Variants in TENM1 observed in about 807,000 individuals in gnomAD.
The protein encoded by TENM1 is teneurin transmembrane protein 1.
A neutral mutation model predicts 174.8 loss-of-function variants in TENM1; 35 were observed. That is an observed-to-expected ratio of 0.20 (90% CI 0.15 to 0.27). The LOEUF (loss-of-function observed/expected upper bound fraction) is 0.27. Ranked by LOEUF, TENM1 falls within the 10% of genes least tolerant of loss-of-function variation. The pLI, the probability that TENM1 is intolerant of heterozygous loss-of-function variation, is 1.00. For missense variants in TENM1, 1,633 were observed against 2,130.1 expected (o/e 0.77, Z 4.59); for synonymous variants, 781 against 798.7 (o/e 0.98, Z 0.37).
exon 30 of TENM1, chrX:124,384,019 A>G: frequency 8.3e-7 from 1 of 1,211,628 alleles, no homozygotes; most frequent in Non-Finnish European, 1.1e-6. Context: ...GACCTTGGAG[A>G]TCATAATACA....
At chrX:124,380,653 A>G in exon 32 of TENM1, 1 of 1,211,776 alleles carries the variant, frequency 8.3e-7, no homozygotes, top group Middle Eastern at 2.3e-4. Flanking sequence ...GTACCCGCCC[A>G]GTGCTCAAAA....
At chrX:124,895,352 C>A (rs2057545268) in intron 2 of TENM1, among the ~76,000 whole-genome samples, 2 of 111,938 alleles carry the variant, frequency 1.8e-5, no homozygotes, top group Admixed American at 9.5e-5. Context: ...AATAAATTAA[C>A]CCCTTTCCAA....
chrX:124,735,426 C>T (rs776206936), intron 4 of TENM1, among the ~76,000 whole-genome samples: 1 of 111,609 alleles, frequency 9.0e-6, no homozygotes, highest in Non-Finnish European at 1.9e-5. Flanking sequence ...TTCAGAATGG[C>T]TATTATTAAA....
intron 4 of TENM1, among the ~76,000 whole-genome samples, chrX:124,711,976 C>T (rs1306389710): frequency 8.9e-6 from 1 of 112,109 alleles, no homozygotes; most frequent in Admixed American, 9.4e-5. Context: ...TTTCACTTAA[C>T]ATAACGTCCT....
chrX:124,885,069 A>C (rs1185559281), intron 3 of TENM1, among the ~76,000 whole-genome samples: 1 of 111,934 alleles, frequency 8.9e-6, no homozygotes, highest in Non-Finnish European at 1.9e-5. Flanking sequence ...GAAAAGGTAC[A>C]GTAAAAATAT....
intron 7 of TENM1, 124 bp from the exon 11 acceptor site, chrX:124,652,248 G>A (rs932048749): frequency 1.1e-6 from 1 of 884,443 alleles, no homozygotes; most frequent in African/African-American, 2.0e-5. Flanking sequence ...GGAAGAGGAG[G>A]TTATCAATTT....
At chrX:124,446,445 G>A (rs763578793) in intron 23 of TENM1, among the ~76,000 whole-genome samples, 1 of 112,505 alleles carries the variant, frequency 8.9e-6, no homozygotes, top group East Asian at 2.8e-4. Flanking sequence ...TCTATAAGTG[G>A]TAGCAGTTAT....
At chrX:124,410,524 A>T (rs1197185604) in intron 25 of TENM1, among the ~76,000 whole-genome samples, 1 of 111,308 alleles carries the variant, frequency 9.0e-6, no homozygotes, top group African/African-American at 3.3e-5. Flanking sequence ...GAGAAATGGA[A>T]TCTAATTAAA....
At chrX:125,183,338 C>T in the TENM1 span, among the ~76,000 whole-genome samples, 1 of 111,816 alleles carries the variant, frequency 8.9e-6, no homozygotes, top group Non-Finnish European at 1.9e-5. Context: ...TTCAGCTGCC[C>T]CTCAGATCAT....
At chrX:124,857,672 C>T (rs1053362373) in intron 3 of TENM1, among the ~76,000 whole-genome samples, 4 of 110,132 alleles carry the variant, frequency 3.6e-5, no homozygotes. Flanking sequence ...GTGATAGTTG[C>T]ACCACTCTGT....
the TENM1 span, among the ~76,000 whole-genome samples, chrX:125,049,430 C>T: frequency 4.5e-5 from 5 of 111,873 alleles, no homozygotes; most frequent in Admixed American, 4.8e-4. Context: ...TATGGCTGAA[C>T]GATATTTCAT....
the TENM1 span, among the ~76,000 whole-genome samples, chrX:125,074,933 G>GCATTTAT: frequency 6.2e-5 from 7 of 112,054 alleles, no homozygotes; most frequent in Non-Finnish European, 1.1e-4. Context: ...TGTTAGTTGA[G>GCATTTAT]CATTTATTAC....
the TENM1 span, among the ~76,000 whole-genome samples, chrX:125,163,308 AG>A: frequency 9.1e-6 from 1 of 110,441 alleles, no homozygotes; most frequent in Non-Finnish European, 1.9e-5. Context: ...CTCTTGCAAC[AG>A]GCTGTCATGA....
chrX:124,771,659 C>T (rs1438323217), intron 3 of TENM1, among the ~76,000 whole-genome samples: 1 of 112,089 alleles, frequency 8.9e-6, no homozygotes, highest in Non-Finnish European at 1.9e-5. Flanking sequence ...CACACCTACT[C>T]TCTGATCACA....
chrX:124,701,717 CT>C (rs1469691564), intron 5 of TENM1, among the ~76,000 whole-genome samples: 1 of 112,190 alleles, frequency 8.9e-6, no homozygotes, highest in African/African-American at 3.2e-5. Flanking sequence ...TCTTCACCAA[CT>C]TTTTTGAACT....
At chrX:125,048,037 T>C in the TENM1 span, among the ~76,000 whole-genome samples, 1 of 110,944 alleles carries the variant, frequency 9.0e-6, no homozygotes, top group Non-Finnish European at 1.9e-5. Context: ...ACTGTCCCAA[T>C]TTTAAAGGCA....
intron 1 of TENM1, among the ~76,000 whole-genome samples, chrX:124,954,368 C>G (rs1175625467): frequency 9.0e-6 from 1 of 111,551 alleles, no homozygotes; most frequent in East Asian, 2.8e-4. Flanking sequence ...CCTCCCTCCT[C>G]CATTTATCCA....
chrX:124,918,442 A>G (rs2057964610), intron 1 of TENM1, among the ~76,000 whole-genome samples: 1 of 110,437 alleles, frequency 9.1e-6, no homozygotes, highest in Non-Finnish European at 1.9e-5. Flanking sequence ...GGCCTCCCAT[A>G]GTGTTGGGAT....
the TENM1 span, among the ~76,000 whole-genome samples, chrX:125,148,052 GGAA>G: frequency 1.8e-5 from 2 of 110,979 alleles, no homozygotes; most frequent in Non-Finnish European, 3.8e-5. Flanking sequence ...TCGCATCAGA[GGAA>G]GAAATGTCCT....
Sources: allele counts gnomAD v4.1 joint callset (sites outside exome capture counted in the v4.1 genomes callset), GRCh38; gene constraint gnomAD v4.1.1; transcripts MANE v1.5; gene names NCBI Gene and HGNC (gene_info 2026-07-23, HGNC 2026-07-21).